The following IRAK1BP1 variants were observed in gnomAD, a reference collection of about 807,000 sequenced individuals.
IRAK1BP1 encodes the protein interleukin-1 receptor-associated kinase 1-binding protein 1.
IRAK1BP1 carries 24 observed loss-of-function variants against 28.0 expected under a neutral mutation model. The observed-to-expected ratio is 0.86, with a 90% CI of 0.62 to 1.20. IRAK1BP1 has a LOEUF of 1.20. IRAK1BP1 is among the 50% of genes most tolerant of loss of function. IRAK1BP1 has a pLI of 0.00. For missense variants in IRAK1BP1, 336 were observed against 316.7 expected (o/e 1.06, Z -0.46); for synonymous variants, 131 against 116.3 (o/e 1.13, Z -0.81).
At chr6:78,914,071 A>G (rs1042975149) in intron 4 of IRAK1BP1, among the ~76,000 whole-genome samples, 1 of 152,204 alleles carries the variant, frequency 6.6e-6, no homozygotes, top group South Asian at 2.1e-4. Context: ...TGTAATATAG[A>G]TCATTTTAAC....
At chr6:78,946,139 T>C in exon 5 of IRAK1BP1, 1 of 1,614,112 alleles carries the variant, frequency 6.2e-7, no homozygotes, top group Non-Finnish European at 8.5e-7. Flanking sequence ...CTAGATTCTG[T>C]TTTACCGTTT....
Position 78,924,941 on chromosome 6 carries a change from G to A in IRAK1BP1, c.*68-20467G>A, listed in dbSNP as rs940836004. Among the ~76,000 whole-genome samples the A allele has an allele frequency of 2.6e-5, 4 of 152,242 alleles. No homozygotes were observed. The East Asian group carries it at 7.7e-4, about 29-fold the overall frequency. On this transcript the variant is annotated intron_variant and NMD_transcript_variant, in intron 4 of 4. Transcript: ENST00000606868. ...CCCAAATGTCCAACAATGATAGATT[G>A]GATTAAGAAAATGTGGCACATATAC... is the stretch of plus-strand genomic sequence containing the variant.
chr6:78,932,407 TTTTC>T lies in IRAK1BP1; in HGVS notation c.*68-12993_*68-12990del, dbSNP rs549644057. Among the ~76,000 whole-genome samples the T allele has an allele frequency of 6.5e-3, 910 of 139,920 alleles. 4 individuals carry two copies. The highest frequency in any genetic ancestry group is 0.011 in the African/African-American group (442 of 38,570). The allele number at this position is 139,920 out of a possible 152,430, so 91.8% of individuals were successfully genotyped here. On this transcript the variant is annotated intron_variant and NMD_transcript_variant, in intron 4 of 4. Coordinates refer to the IRAK1BP1 transcript ENST00000606868. ...GCTATAGCCTTACAACATGTATTTC[TTTTC>T]TTTCTTTTTCTTTTTTTTTTTTTTT...
intron 2 of IRAK1BP1, among the ~76,000 whole-genome samples, chr6:78,894,018 A>C (rs1208230967): frequency 6.6e-6 from 1 of 152,230 alleles, no homozygotes; most frequent in Non-Finnish European, 1.5e-5. Flanking sequence ...GAAGAACAGA[A>C]GTACAGTGTT....
At chr6:78,940,278 C>G (rs1440842622) in intron 4 of IRAK1BP1, 2 of 151,848 alleles carry the variant, frequency 1.3e-5, no homozygotes, top group East Asian at 3.9e-4. Context: ...AAATGTACCT[C>G]ACTTGGTCAA....
At chr6:78,914,007 G>A (rs1772493430) in intron 4 of IRAK1BP1, among the ~76,000 whole-genome samples, 1 of 152,088 alleles carries the variant, frequency 6.6e-6, no homozygotes, top group Admixed American at 6.5e-5. Context: ...GTCATATGAA[G>A]TGTTCCAAAA....
intron 4 of IRAK1BP1, among the ~76,000 whole-genome samples, chr6:78,914,777 A>G (rs973333801): frequency 2.0e-5 from 3 of 152,136 alleles, no homozygotes; most frequent in African/African-American, 7.2e-5. Context: ...ATCAGTACCA[A>G]TTAATACTAA....
intron 1 of IRAK1BP1, among the ~76,000 whole-genome samples, chr6:78,869,834 C>A (rs1770727485): frequency 6.6e-6 from 1 of 151,570 alleles, no homozygotes; most frequent in Non-Finnish European, 1.5e-5. Context: ...CTGAGCCGGG[C>A]GTGGTGGCTC....
chr6:78,946,679 T>A (rs1168605620), downstream of IRAK1BP1: 1 of 1,508,342 alleles, frequency 6.6e-7, no homozygotes, highest in East Asian at 2.5e-5. Flanking sequence ...AAGTTATAGA[T>A]CAGCTAGTGG....
At chr6:78,881,665 A>G (rs1440068226) in intron 1 of IRAK1BP1, among the ~76,000 whole-genome samples, 1 of 152,184 alleles carries the variant, frequency 6.6e-6, no homozygotes, top group Admixed American at 6.5e-5. Flanking sequence ...AAATTACTGG[A>G]AAATGGTGTT....
chr6:78,878,265 A>C (rs1211644390), intron 1 of IRAK1BP1, among the ~76,000 whole-genome samples: 1 of 152,168 alleles, frequency 6.6e-6, no homozygotes. Context: ...CTGACACCTC[A>C]TACGTCTCAG....
the IRAK1BP1 span, among the ~76,000 whole-genome samples, chr6:78,968,994 C>G: frequency 6.6e-5 from 10 of 152,160 alleles, no homozygotes; most frequent in Non-Finnish European, 1.5e-4. Flanking sequence ...TTTTCCTGTT[C>G]TGGACTTCCT....
the IRAK1BP1 span, among the ~76,000 whole-genome samples, chr6:78,975,628 C>T: frequency 3.3e-5 from 5 of 152,102 alleles, no homozygotes; most frequent in East Asian, 1.9e-4. Flanking sequence ...GAAAACCCCA[C>T]TGTCTCAGCC....
At chr6:78,972,961 T>C in the IRAK1BP1 span, among the ~76,000 whole-genome samples, 10 of 145,976 alleles carry the variant, frequency 6.9e-5, no homozygotes, top group East Asian at 1.6e-3. Flanking sequence ...CTGCAGGATA[T>C]TATCCACGAG....
chr6:78,969,743 T>C, the IRAK1BP1 span: 3 of 586,942 alleles, frequency 5.1e-6, no homozygotes, highest in Non-Finnish European at 5.8e-6. Flanking sequence ...ATTTCTCTGA[T>C]AATCTTTTTC....
At chr6:78,975,310 A>G in the IRAK1BP1 span, among the ~76,000 whole-genome samples, 1 of 152,226 alleles carries the variant, frequency 6.6e-6, no homozygotes, top group African/African-American at 2.4e-5. Flanking sequence ...AAGGCCTTTG[A>G]CAAAAATCAA....
At chr6:78,888,072 A>T (rs779830490) in intron 2 of IRAK1BP1, among the ~76,000 whole-genome samples, 2 of 152,254 alleles carry the variant, frequency 1.3e-5, no homozygotes, top group Non-Finnish European at 2.9e-5. Context: ...TGCCTGCAAG[A>T]CATTATGTTA....
chr6:78,884,309 G>A (rs1157455985), intron 1 of IRAK1BP1, among the ~76,000 whole-genome samples: 1 of 151,924 alleles, frequency 6.6e-6, no homozygotes, highest in Admixed American at 6.6e-5. Flanking sequence ...ATCATATATT[G>A]ATTTAACATA....
the IRAK1BP1 span, among the ~76,000 whole-genome samples, chr6:78,975,053 G>T: frequency 1.0e-4 from 15 of 150,660 alleles, no homozygotes; most frequent in South Asian, 2.1e-4. Context: ...TACCAAAGCT[G>T]GGCAGAGACA....
Sources: allele counts gnomAD v4.1 joint callset (sites outside exome capture counted in the v4.1 genomes callset), GRCh38; gene constraint gnomAD v4.1.1; transcripts MANE v1.5; gene names NCBI Gene and HGNC (gene_info 2026-07-23, HGNC 2026-07-21).